Variants in CYP2D6 observed in about 807,000 individuals in gnomAD.
CYP2D6 encodes cytochrome P450 2D6.
Under a neutral mutation model 43.5 loss-of-function variants are expected in CYP2D6, and 51 were observed. That is an observed-to-expected ratio of 1.17 (90% CI 0.94 to 1.48). CYP2D6 has a LOEUF of 1.48. Ranked by LOEUF, CYP2D6 falls within the 40% of genes most tolerant of loss-of-function variation. CYP2D6 has a pLI of 0.00. For missense variants in CYP2D6, 698 were observed against 688.0 expected (o/e 1.01, Z -0.16); for synonymous variants, 346 against 297.1 (o/e 1.16, Z -1.69).
rs1171400766 is a variant in CYP2D6 at position 42,129,808 on chromosome 22, G to T, written c.282C>A (p.His94Gln). ...GCGGGCGGTCGGCGGTGTCCTCGCC[G>T]TGGGTCACCAGCGCCTCGCGCACGG... is the stretch of plus-strand genomic sequence containing the variant. ...LAAVREALVT[H>Q]GEDTADRPPV... The change falls in exon 2 of 9, where the codon CAC becomes CAA. Residue 94 changes from histidine to glutamine, a missense_variant. Physicochemically the swap from His to Gln is conservative, Grantham distance 24. Around this residue, in one of 5 missense-constraint regions of CYP2D6, gnomAD observed 588 missense variants for 521.1 expected, o/e 1.13. Transcript: ENST00000645361. 1 of 1,605,554 alleles carries T rather than the reference G, an allele frequency of 6.2e-7. No homozygotes were observed. Among genetic ancestry groups the T allele is most frequent in the East Asian group, 2.2e-5 (1 of 44,716 alleles).
In CYP2D6 at chr22:42,129,042, T is replaced by C. The variant is rs1135824; in HGVS notation, c.496A>G (p.Asn166Asp). Residue 166 changes from asparagine (N) to aspartate (D), a missense_variant, in exon 3 of 9, where the codon AAC becomes GAC. By Grantham distance (23) the Asn-to-Asp change is conservative. Coordinates refer to ENST00000645361, the MANE Select transcript of CYP2D6 (RefSeq NM_000106.6). ...EAACLCAAFA[N>D]HSGRPFRPNG... ...TCTGCCCATCACCCACCGGAGTGGTTGGCGAAGGCGGCACAAAGGCAGGCG... is the reference window on the plus strand; with the variant it reads ...TCTGCCCATCACCCACCGGAGTGGTCGGCGAAGGCGGCACAAAGGCAGGCG... 254 of 1,605,206 alleles carry C rather than the reference T, an allele frequency of 1.6e-4. 11 individuals carry two copies. In the Middle Eastern group the frequency reaches 2.0e-3, roughly 13 times the overall value.
rs371794540 is a variant in CYP2D6, at chr22:42,129,784, C to A, written c.306G>T (p.Pro102=). ...VTHGEDTADR[P]PVPITQILGF... ...CCAGGATCTGGGTGATGGGCACAGG[C>A]GGGCGGTCGGCGGTGTCCTCGCCGT... The change falls in exon 2 of 9, where the codon CCG becomes CCT. Residue 102 remains proline (P), a synonymous_variant. Coordinates refer to ENST00000645361, the MANE Select transcript of CYP2D6 (RefSeq NM_000106.6). 6.2e-7 allele frequency: 1 copy of A among 1,608,306 alleles called. No individual in the cohort carries two copies. The highest frequency in any genetic ancestry group is 8.5e-7 in the Non-Finnish European group (1 of 1,177,882).
intron 1 of CYP2D6, 55 bp from the exon 2 acceptor site, chr22:42,129,964 G>A (rs1482520142): frequency 2.7e-6 from 4 of 1,468,218 alleles, no homozygotes; most frequent in Non-Finnish European, 2.7e-6. Context: ...CAGACTACAG[G>A]TCCTAGTCCT....
chr22:42,126,886 A>C lies in CYP2D6; in HGVS notation c.1280T>G (p.Phe427Cys). 1 of 1,580,262 alleles carries C rather than the reference A, an allele frequency of 6.3e-7. No individual in the cohort carries two copies. Among genetic ancestry groups the C allele is most frequent in the Non-Finnish European group, 8.6e-7 (1 of 1,163,384 alleles). ...PEHFLDAQGH[F>C]VKPEAFLPFS... is the part of the protein sequence containing the mutation. ...AGGCAGGAAGGCCTCCGGCTTCACA[A>C]AGTGGCCCTGGGCATCCAGGAAGTG... The change falls in exon 8 of 9, where the codon TTT (phenylalanine) becomes TGT (cysteine). Residue 427 changes from phenylalanine (F) to cysteine (C), a missense_variant. This residue lies in a region of CYP2D6 where 9 missense variants were observed against 38.0 expected (regional missense o/e 0.24). Coordinates refer to ENST00000645361, the MANE Select transcript of CYP2D6 (RefSeq NM_000106.6).
intron 1 of CYP2D6, 43 bp from the exon 2 acceptor site, chr22:42,129,952 C>A: frequency 1.3e-6 from 2 of 1,489,616 alleles, no homozygotes; most frequent in South Asian, 2.4e-5. Flanking sequence ...CCAGGATCAC[C>A]CCAGACTACA....
In CYP2D6 at chr22:42,128,168, T is replaced by C; in HGVS notation, c.843+6A>G. ...CCTTGCCCCCCACCGTGGCAGCCAC[T>C]CTCACCTTCTCCATCTCTGCCAGGA... On this transcript the variant is annotated splice_donor_region_variant and intron_variant, in intron 5 of 8. Coordinates refer to ENST00000645361, the MANE Select transcript of CYP2D6 (RefSeq NM_000106.6). The C allele has an allele frequency of 1.2e-6, 2 of 1,602,014 alleles. No individual in the cohort carries two copies. The highest frequency in any genetic ancestry group is 1.7e-6 in the Non-Finnish European group (2 of 1,173,892).
chr22:42,129,988 A>G (rs1931811175), intron 1 of CYP2D6, 79 bp from the exon 2 acceptor site: 1 of 1,400,160 alleles, frequency 7.1e-7, no homozygotes, highest in East Asian at 2.5e-5. Context: ...TGAACCTTGG[A>G]CGACCCCCGG....
rs1157417405 is a variant in CYP2D6, at chr22:42,128,303, G to A, written c.714C>T (p.Gly238=). Residue 238 remains glycine, a synonymous_variant, in exon 5 of 9, where the codon GGC becomes GGT. Coordinates refer to ENST00000645361, the MANE Select transcript of CYP2D6 (RefSeq NM_000106.6). ...AAGCCTTTTGGAAGCGTAGGACCTT[G>A]CCAGCCAGCGCTGGGATATGCAGGA... ...PVLLHIPALA[G]KVLRFQKAFL... 1.2e-6 allele frequency: 2 copies of A among 1,610,518 alleles called. No homozygotes were observed. Among genetic ancestry groups the A allele is most frequent in the East Asian group, 2.2e-5 (1 of 44,734 alleles).
chr22:42,127,812 GC>G lies in CYP2D6; in HGVS notation c.985+29del, dbSNP rs1931181578. ...CCCCGCCTGTACCCTTCCTCCCTCG[GC>G]CCCTGCACTGTTTCCCAGATGGGCT... On this transcript the variant is annotated intron_variant, in intron 6 of 8. Transcript: ENST00000645361. 2.5e-6 allele frequency: 4 copies of G among 1,608,640 alleles called. 1 individual carries two copies. The highest frequency in any genetic ancestry group is 3.4e-6 in the Non-Finnish European group (4 of 1,176,080).
At chr22:42,128,499 C>G in intron 4 of CYP2D6, 149 bp from the exon 5 acceptor site, 1 of 1,015,456 alleles carries the variant, frequency 9.8e-7, no homozygotes, top group South Asian at 1.4e-5. Context: ...CCAGCCTCCA[C>G]CCTCTCTCCT....
chr22:42,127,247 C>T (rs115213325), intron 7 of CYP2D6, among the ~76,000 whole-genome samples, 200 bp downstream of exon 7: 1 of 151,620 alleles, frequency 6.6e-6, no homozygotes, highest in Non-Finnish European at 1.5e-5. Context: ...TGGTTTGTCT[C>T]CCCACTAGAC....
At chr22:42,128,474 G>C in intron 4 of CYP2D6, 124 bp from the exon 5 acceptor site, 1 of 1,171,356 alleles carries the variant, frequency 8.5e-7, no homozygotes, top group South Asian at 1.3e-5. Context: ...ACCTCACCAA[G>C]TCCCTCCCCA....
Position 42,127,587 on chromosome 22 carries a change from G to T in CYP2D6, c.1033C>A (p.Pro345Thr), listed in dbSNP as rs1239960308. The T allele has an allele frequency of 1.2e-6, 2 of 1,612,076 alleles. No individual in the cohort carries two copies. The highest frequency in any genetic ancestry group is 1.7e-6 in the Non-Finnish European group (2 of 1,178,692). Residue 345 changes from proline (P) to threonine (T), a missense_variant, in exon 7 of 9, where the codon CCA becomes ACA. By Grantham distance (38) the Pro-to-Thr change is conservative (BLOSUM62 -1). Around this residue, in one of 5 missense-constraint regions of CYP2D6, gnomAD observed 588 missense variants for 521.1 expected, o/e 1.13. Transcript: ENST00000645361. ...ATGTGAGCCTGGTCACCCATCTCTG[G>T]TCGCCGCACCTGCCCTATCACGTCG... is the stretch of plus-strand genomic sequence containing the variant. ...IDDVIGQVRR[P>T]EMGDQAHMPY...
At chr22:42,129,990 G>C (rs1931811662) in intron 1 of CYP2D6, 81 bp from the exon 2 acceptor site, 2 of 1,376,476 alleles carry the variant, frequency 1.5e-6, no homozygotes, top group Non-Finnish European at 2.0e-6. Context: ...AACCTTGGAC[G>C]ACCCCCGGGG....
In CYP2D6 at chr22:42,127,597, C is replaced by T. The variant is rs758920219; in HGVS notation, c.1023G>A (p.Gln341=). The change falls in exon 7 of 9, where the codon CAG becomes CAA. Residue 341 remains glutamine (Q), a synonymous_variant. Coordinates refer to ENST00000645361, the MANE Select transcript of CYP2D6 (RefSeq NM_000106.6). ...GGTCACCCATCTCTGGTCGCCGCACCTGCCCTATCACGTCGTCGATCTCCT... is the reference window on the plus strand; with the variant it reads ...GGTCACCCATCTCTGGTCGCCGCACTTGCCCTATCACGTCGTCGATCTCCT... The part of the protein sequence containing the change: ...VQQEIDDVIG[Q]VRRPEMGDQA... 1 of 1,612,036 alleles carries T rather than the reference C, an allele frequency of 6.2e-7. No homozygotes were observed. The highest frequency in any genetic ancestry group is 8.5e-7 in the Non-Finnish European group (1 of 1,178,646).
At chr22:42,128,146 T>G in intron 5 of CYP2D6, 28 bp downstream of exon 5, 1 of 1,590,980 alleles carries the variant, frequency 6.3e-7, no homozygotes, top group Non-Finnish European at 8.6e-7. Flanking sequence ...CCACCACCCT[T>G]GCCCCCCACC....
At position 42,128,968 on chromosome 22, in the gene CYP2D6, G is replaced by A. The variant is rs754171670; in HGVS notation, c.506-24C>T. The A allele has an allele frequency of 2.2e-5, 35 of 1,582,880 alleles. 1 individual carries two copies. Among genetic ancestry groups the A allele is most frequent in the Admixed American group, 1.3e-4 (7 of 54,826 alleles). On this transcript the variant is annotated intron_variant, in intron 3 of 8. Transcript: ENST00000645361. The stretch of plus-strand genomic sequence containing the variant: ...TCCTGGGGGTGGGAGATGCGGGTAA[G>A]GGGTCGCCTTCCCCGTCCCCCGCCT...
At position 42,129,825 on chromosome 22, in the gene CYP2D6, C is replaced by G. The variant is rs377488485; in HGVS notation, c.265G>C (p.Glu89Gln). 2 of 1,599,182 alleles carry G rather than the reference C, an allele frequency of 1.3e-6. No homozygotes were observed. Among genetic ancestry groups the G allele is most frequent in the East Asian group, 2.2e-5 (1 of 44,670 alleles). The stretch of plus-strand genomic sequence containing the variant: ...TCCTCGCCGTGGGTCACCAGCGCCT[C>G]GCGCACGGCCGCCAGCCCATTGAGC... Reference protein sequence around the residue: ...VVLNGLAAVREALVTHGEDTA... With the variant: ...VVLNGLAAVRQALVTHGEDTA... Residue 89 changes from glutamate to glutamine, a missense_variant, in exon 2 of 9, where the codon GAG (glutamate) becomes CAG (glutamine). Physicochemically the swap from Glu to Gln is conservative, Grantham distance 29. This residue lies in a region of CYP2D6 where 588 missense variants were observed against 521.1 expected (regional missense o/e 1.13). Coordinates refer to ENST00000645361, the MANE Select transcript of CYP2D6 (RefSeq NM_000106.6).
chr22:42,128,229 T>A lies in CYP2D6; in HGVS notation c.788A>T (p.Asp263Val). ...ELLTEHRMTW[D>V]PAQPPRDLTE... Reference sequence around the variant, plus strand: ...CAGGTCTCGGGGGGGCTGGGCTGGGTCCCAGGTCATCCTGTGCTCAGTTAG... The same window carrying A: ...CAGGTCTCGGGGGGGCTGGGCTGGGACCCAGGTCATCCTGTGCTCAGTTAG... The change falls in exon 5 of 9, where the codon GAC becomes GTC. Residue 263 changes from aspartate to valine, a missense_variant. This residue lies in a region of CYP2D6 where 588 missense variants were observed against 521.1 expected (regional missense o/e 1.13). Coordinates refer to ENST00000645361, the MANE Select transcript of CYP2D6 (RefSeq NM_000106.6). The A allele has an allele frequency of 6.2e-7, 1 of 1,609,986 alleles. No individual in the cohort carries two copies. Among genetic ancestry groups the A allele is most frequent in the Non-Finnish European group, 8.5e-7 (1 of 1,177,808 alleles).
Sources: allele counts gnomAD v4.1 joint callset (sites outside exome capture counted in the v4.1 genomes callset), GRCh38; gene constraint gnomAD v4.1.1; regional missense constraint gnomAD v4.1.1; transcripts MANE v1.5; gene names NCBI Gene and HGNC (gene_info 2026-07-23, HGNC 2026-07-21).